The following SLC16A4 variants were observed in gnomAD, a reference collection of about 807,000 sequenced individuals.
SLC16A4 encodes the protein solute carrier family 16 member 4.
SLC16A4 carries 39 observed loss-of-function variants against 47.9 expected under a neutral mutation model. That is an observed-to-expected ratio of 0.81 (90% confidence interval 0.63 to 1.06). The LOEUF is 1.06. SLC16A4 is among the 50% of genes least tolerant of loss of function. The probability of loss-of-function intolerance (pLI) is 0.00; values close to 1 mark genes in which losing one functional copy is unlikely to be tolerated. For missense variants in SLC16A4, 524 were observed against 573.8 expected (o/e 0.91, Z 0.89); for synonymous variants, 189 against 199.9 (o/e 0.95, Z 0.46).
rs183319913 is a variant in SLC16A4 at position 110,389,397 on chromosome 1, T to G, written c.-32-42A>C. ...ACAGTTGATTCAGTGGACCAGAAAC[T>G]AATCTAAACTTTTAAACTTTTTATC... On this transcript the variant is annotated intron_variant, in intron 1 of 8. Transcript: ENST00000369779. 337 of 1,164,350 alleles carry G rather than the reference T, an allele frequency of 2.9e-4. No individual in the cohort carries two copies. In the African/African-American group the frequency reaches 4.1e-3, roughly 14 times the overall value. The allele number at this position is 1,164,350 out of a possible 1,614,324, so 72.1% of individuals were successfully genotyped here. A position where few individuals can be genotyped will look rare whatever the true frequency, so the allele number is the denominator to read the frequency against.
At position 110,379,101 on chromosome 1, in the gene SLC16A4, TCTTCA is replaced by T. The variant is rs1662200910; in HGVS notation, c.777_781del (p.Ser259ArgfsTer7). 1.2e-6 allele frequency: 2 copies of T among 1,614,260 alleles called. No homozygotes were observed. Among genetic ancestry groups the T allele is most frequent in the East Asian group, 4.5e-5 (2 of 44,884 alleles). On this transcript the variant is annotated frameshift_variant, in exon 6 of 9. Transcript: ENST00000369779. LOFTEE classifies it high-confidence loss of function. ...GTTCCTGTTAGGCCCATTGTAGAAC[TCTTCA>T]CTTTGATTTTGTGAGACTGTTAAAT...
In SLC16A4 at chr1:110,381,238, G is replaced by A. The variant is rs2101049193; in HGVS notation, c.365-95C>T. On this transcript the variant is annotated intron_variant, in intron 4 of 8. Transcript: ENST00000369779. The stretch of plus-strand genomic sequence containing the variant: ...CCTGGATCCGAGATAATACAGCTAG[G>A]CCTTTTGGACCCAGGAACAGTAGAA... 5.2e-6 allele frequency: 6 copies of A among 1,164,682 alleles called. 1 individual carries two copies. The South Asian group carries it at 8.6e-5, about 17-fold the overall frequency. The allele number at this position is 1,164,682 out of a possible 1,614,324, so 72.1% of individuals were successfully genotyped here.
At chr1:110,383,597 TATCTC>T (rs1662550065) in intron 2 of SLC16A4, among the ~76,000 whole-genome samples, 1 of 152,098 alleles carries the variant, frequency 6.6e-6, no homozygotes, top group Non-Finnish European at 1.5e-5. Context: ...GCCTGCAAAT[TATCTC>T]AAGCACTGAT....
At position 110,379,721 on chromosome 1, in the gene SLC16A4, AT is replaced by A. The variant is rs1430138072; in HGVS notation, c.527-366del. 9.9e-5 allele frequency: 17 copies of A among 171,214 alleles called. No individual in the cohort carries two copies. In the South Asian group the frequency reaches 1.2e-3, roughly 12 times the overall value. 10.6% of individuals were successfully genotyped at this position (171,214 alleles called of 1,614,324 possible). On this transcript the variant is annotated intron_variant, in intron 5 of 8. Transcript: ENST00000369779. ...GAGTACAGATTTAGGTACAGAAAAA[AT>A]AGAATAAGATGAAAGAAATCATTTG...
chr1:110,365,883 A>G (rs56786971), intron 8 of SLC16A4, among the ~76,000 whole-genome samples: 94 of 152,380 alleles, frequency 6.2e-4, no homozygotes, highest in African/African-American at 2.1e-3. Flanking sequence ...AAAATGTCAG[A>G]TAGCACAGCT....
At chr1:110,364,467 A>G (rs751169554) in intron 8 of SLC16A4, among the ~76,000 whole-genome samples, 1 of 151,434 alleles carries the variant, frequency 6.6e-6, no homozygotes, top group Non-Finnish European at 1.5e-5. Flanking sequence ...CGTGGGTTAA[A>G]CAATGACAAG....
rs1483825226 is a variant in SLC16A4 at position 110,371,495 on chromosome 1, T to G, written c.1336+3963A>C. The G allele has an allele frequency of 2.0e-5, 3 of 152,378 alleles. No homozygotes were observed. In the East Asian group the frequency reaches 5.8e-4, roughly 29 times the overall value. The allele number at this position is 152,378 out of a possible 1,614,324, so 9.4% of individuals were successfully genotyped here. A position where few individuals can be genotyped will look rare whatever the true frequency, so the allele number is the denominator to read the frequency against. On this transcript the variant is annotated intron_variant, in intron 8 of 8. Transcript: ENST00000369779. ...AGAATGTGATTAGATATACTTGCTT[T>G]TCTGCCCAAGGCACTATTTTTGTAT...
chr1:110,373,975 C>T (rs1225836528), intron 8 of SLC16A4, among the ~76,000 whole-genome samples: 3 of 126,456 alleles, frequency 2.4e-5, no homozygotes, highest in African/African-American at 7.7e-5. Context: ...CTATGCCAGG[C>T]CCTCTCAGTA....
chr1:110,377,198 C>G, intron 6 of SLC16A4, 37 bp from the exon 7 acceptor site: 1 of 1,564,990 alleles, frequency 6.4e-7, no homozygotes, highest in South Asian at 1.1e-5. Flanking sequence ...TTTCCTGGTC[C>G]CTTTGAAAAA....
chr1:110,368,616 T>TA (rs1661523113), intron 8 of SLC16A4, among the ~76,000 whole-genome samples: 1 of 152,218 alleles, frequency 6.6e-6, no homozygotes, highest in Non-Finnish European at 1.5e-5. Flanking sequence ...TTTTCTTATA[T>TA]CTATGGCTAT....
intron 8 of SLC16A4, among the ~76,000 whole-genome samples, chr1:110,367,890 G>C (rs549404543): frequency 5.9e-5 from 9 of 152,008 alleles, no homozygotes; most frequent in African/African-American, 2.2e-4. Flanking sequence ...GTGCAGTGGC[G>C]CAATCTCCAC....
chr1:110,382,761 C>A, intron 3 of SLC16A4, 73 bp downstream of exon 3: 1 of 1,366,328 alleles, frequency 7.3e-7, no homozygotes, highest in South Asian at 1.7e-5. Context: ...CCTATTCAGT[C>A]TTGAATAGGA....
chr1:110,385,267 A>G (rs966458095), intron 2 of SLC16A4, among the ~76,000 whole-genome samples: 8 of 152,190 alleles, frequency 5.3e-5, no homozygotes, highest in Admixed American at 3.9e-4. Context: ...ACAACTTCGC[A>G]CGTCACATGG....
chr1:110,374,543 G>A (rs1323434720), intron 8 of SLC16A4, among the ~76,000 whole-genome samples: 2 of 152,194 alleles, frequency 1.3e-5, no homozygotes, highest in East Asian at 1.9e-4. Flanking sequence ...AGAACCTGTG[G>A]TGTGTGAGAA....
At chr1:110,380,486 A>G (rs1339643265) in intron 5 of SLC16A4, among the ~76,000 whole-genome samples, 3 of 152,208 alleles carry the variant, frequency 2.0e-5, no homozygotes, top group Non-Finnish European at 2.9e-5. Context: ...TTGACATTAC[A>G]TAAACTCTTA....
intron 2 of SLC16A4, among the ~76,000 whole-genome samples, chr1:110,384,643 C>T (rs557759547): frequency 6.6e-6 from 1 of 152,354 alleles, no homozygotes; most frequent in Admixed American, 6.5e-5. Context: ...GGTGTACTCT[C>T]TGTCTCCAGG....
intron 3 of SLC16A4, 114 bp downstream of exon 3, chr1:110,382,720 G>T: frequency 9.0e-7 from 1 of 1,106,394 alleles, no homozygotes; most frequent in Non-Finnish European, 1.2e-6. Context: ...TTACATATCA[G>T]TAAATGAACC....
intron 8 of SLC16A4, among the ~76,000 whole-genome samples, chr1:110,365,803 T>G (rs1661345309): frequency 6.6e-6 from 1 of 152,168 alleles, no homozygotes; most frequent in African/African-American, 2.4e-5. Flanking sequence ...AATTATAAAA[T>G]AGTGGTCTCA....
At position 110,381,900 on chromosome 1, in the gene SLC16A4, T is replaced by G. The variant is rs143183813; in HGVS notation, c.221-105A>C. On this transcript the variant is annotated intron_variant, in intron 3 of 8. Transcript: ENST00000369779. ...TGACAAGGAAAGCAAGAGGACTGTT[T>G]ACTTTGAAGTATTACGTATTCTTCA... The G allele has an allele frequency of 3.4e-4, 353 of 1,047,638 alleles. No homozygotes were observed. The African/African-American group carries it at 5.1e-3, about 15-fold the overall frequency. 64.9% of individuals were successfully genotyped at this position (1,047,638 alleles called of 1,614,324 possible).
Sources: allele counts gnomAD v4.1 joint callset (sites outside exome capture counted in the v4.1 genomes callset), GRCh38; gene constraint gnomAD v4.1.1; transcripts MANE v1.5; gene names NCBI Gene and HGNC (gene_info 2026-07-23, HGNC 2026-07-21).